Variants in NFIC observed in about 807,000 individuals in gnomAD.
NFIC encodes nuclear factor I C.
In NFIC, 12 loss-of-function variants were observed where a neutral mutation model predicts 54.4. That is an observed-to-expected ratio of 0.22 (90% confidence interval 0.14 to 0.36). The LOEUF is 0.36. Ranked by LOEUF, NFIC falls within the 10% of genes least tolerant of loss-of-function variation. The pLI, the probability that NFIC is intolerant of heterozygous loss-of-function variation, is 1.00. For synonymous variants in NFIC, 322 were observed against 319.2 expected (o/e 1.01, Z -0.09); for missense variants, 575 against 718.2 (o/e 0.80, Z 2.28).
intron 2 of NFIC, among the ~76,000 whole-genome samples, chr19:3,407,404 C>T (rs1355509131): frequency 6.6e-6 from 1 of 150,600 alleles, no homozygotes; most frequent in Non-Finnish European, 1.5e-5. Context: ...TGAGCCACCG[C>T]GCCCGGCCCA....
intron 7 of NFIC, among the ~76,000 whole-genome samples, chr19:3,450,481 T>C (rs749160253): frequency 1.1e-4 from 16 of 151,690 alleles, no homozygotes; most frequent in Non-Finnish European, 1.8e-4. Flanking sequence ...CATGGTGAAA[T>C]CTCGTTTCTA....
At chr19:3,376,917 A>T (rs2145455921) in intron 1 of NFIC, among the ~76,000 whole-genome samples, 1 of 151,694 alleles carries the variant, frequency 6.6e-6, no homozygotes, top group Non-Finnish European at 1.5e-5. Context: ...TTTAGTAGAG[A>T]TGGGGTTTCG....
At chr19:3,359,782 C>T in intron 1 of NFIC, 5 of 1,224,760 alleles carry the variant, frequency 4.1e-6, no homozygotes, top group Admixed American at 3.7e-5. Context: ...GGACAGGGGG[C>T]GGGGGCCGCC....
intron 9 of NFIC, 91 bp from the exon 10 acceptor site, chr19:3,456,459 G>C: frequency 1.6e-6 from 2 of 1,262,296 alleles, no homozygotes; most frequent in South Asian, 1.3e-5. Context: ...GCTGTGTGAC[G>C]CCTGGCGGTG....
At chr19:3,363,365 G>A (rs1050625807), upstream of NFIC, among the ~76,000 whole-genome samples, 19 of 145,950 alleles carry the variant, frequency 1.3e-4, no homozygotes, top group Middle Eastern at 3.9e-3. Flanking sequence ...TCCACCTCCC[G>A]AGTTCAAGCG....
At chr19:3,362,140 C>T (rs538882632), upstream of NFIC, among the ~76,000 whole-genome samples, 125 of 152,284 alleles carry the variant, frequency 8.2e-4, 2 homozygotes, top group African/African-American at 2.9e-3. Context: ...AGGGAGGTGG[C>T]GTGCTGTGTG....
chr19:3,435,889 C>T (rs986960656), intron 6 of NFIC, among the ~76,000 whole-genome samples: 2 of 151,924 alleles, frequency 1.3e-5, no homozygotes, highest in South Asian at 2.1e-4. Flanking sequence ...TGCAATGGCG[C>T]GATCTCCGCT....
chr19:3,412,540 A>G (rs148212269), intron 2 of NFIC, among the ~76,000 whole-genome samples: 1 of 152,238 alleles, frequency 6.6e-6, no homozygotes, highest in African/African-American at 2.4e-5. Context: ...TACAGGTGTG[A>G]GCCACTGTGC....
In NFIC at chr19:3,463,986, C is replaced by A. The variant is rs1403957847; in HGVS notation, c.*1217C>A. On this transcript the variant is annotated 3_prime_UTR_variant, in exon 11 of 11. Coordinates refer to ENST00000443272, the MANE Select transcript of NFIC (RefSeq NM_001245002.2). ...CCCCAGAGCTAGAGAGATGGGGCCC[C>A]TGCGTGGCCCGAGGGGCAGAGCTGG... 3.0e-6 allele frequency: 3 copies of A among 985,228 alleles called. No homozygotes were observed. The highest frequency in any genetic ancestry group is 3.6e-6 in the Non-Finnish European group (3 of 829,956). The allele number at this position is 985,228 out of a possible 1,614,324, so 61.0% of individuals were successfully genotyped here.
intron 2 of NFIC, among the ~76,000 whole-genome samples, chr19:3,386,383 C>T (rs1261562340): frequency 7.4e-6 from 1 of 134,372 alleles, no homozygotes; most frequent in Non-Finnish European, 1.5e-5. Flanking sequence ...AGTGCAGTGG[C>T]GCGATCTTGG....
intron 10 of NFIC, among the ~76,000 whole-genome samples, chr19:3,457,406 G>A (rs7256422): frequency 0.11 from 16,968 of 152,172 alleles, 2,988 homozygotes; most frequent in African/African-American, 0.37. Context: ...GTGGGGGCGT[G>A]GGAGGGCAGC....
At chr19:3,390,676 A>T (rs1033729868) in intron 2 of NFIC, among the ~76,000 whole-genome samples, 2 of 152,162 alleles carry the variant, frequency 1.3e-5, no homozygotes, top group African/African-American at 2.4e-5. Flanking sequence ...CTCAAAAGTG[A>T]TTTGTTGCCT....
intron 2 of NFIC, among the ~76,000 whole-genome samples, chr19:3,392,961 G>A (rs1330203189): frequency 6.6e-6 from 1 of 152,146 alleles, no homozygotes; most frequent in African/African-American, 2.4e-5. Context: ...ATTTTTTGGA[G>A]ACGGAGTTTT....
Position 3,381,894 on chromosome 19 carries a change from G to A in NFIC, c.213G>A (p.Lys71=), listed in dbSNP as rs765226699. Residue 71 remains lysine, a synonymous_variant, in exon 2 of 11, where the codon AAG becomes AAA. Coordinates refer to ENST00000443272, the MANE Select transcript of NFIC (RefSeq NM_001245002.2). ...LLGEKPEVKQ[K]WASRLLAKLR... Reference sequence around the variant, plus strand: ...GCGAGAAGCCCGAGGTCAAGCAGAAGTGGGCGTCGCGGCTGCTGGCCAAGC... The same window carrying A: ...GCGAGAAGCCCGAGGTCAAGCAGAAATGGGCGTCGCGGCTGCTGGCCAAGC... 1 of 1,613,942 alleles carries A rather than the reference G, an allele frequency of 6.2e-7. No individual in the cohort carries two copies. The highest frequency in any genetic ancestry group is 1.7e-5 in the Admixed American group (1 of 60,030).
In NFIC at chr19:3,452,580, C is replaced by T. The variant is rs548567332; in HGVS notation, c.1183C>T (p.Arg395Cys). Residue 395 changes from arginine to cysteine, a missense_variant, in exon 8 of 11, where the codon CGC becomes TGC. Arg to Cys is a radical substitution (Grantham distance 180). Transcript: ENST00000443272. The surrounding 1 kb of genome is among the most constrained non-coding windows in gnomAD (Gnocchi z 5.3). ...ASTYFPHTAI[R>C]YPPHLNPQDP... is the part of the protein sequence containing the mutation. ...CACCTACTTCCCCCACACGGCCATC[C>T]GCTACCCACCTCATCTCAACCCCCA... is the stretch of plus-strand genomic sequence containing the variant. 12 of 1,613,786 alleles carry T rather than the reference C, an allele frequency of 7.4e-6. No homozygotes were observed. Among genetic ancestry groups the T allele is most frequent in the East Asian group, 2.2e-5 (1 of 44,890 alleles).
At chr19:3,366,707 C>T (rs759279055) in intron 1 of NFIC, 41 bp downstream of exon 1, 148 of 1,320,774 alleles carry the variant, frequency 1.1e-4, no homozygotes, top group Non-Finnish European at 1.4e-4. Context: ...CCCCCGCGCC[C>T]CCCGCATCCC....
chr19:3,452,711 G>A lies in NFIC; in HGVS notation c.1269+45G>A. 1 of 1,543,790 alleles carries A rather than the reference G, an allele frequency of 6.5e-7. No individual in the cohort carries two copies. Among genetic ancestry groups the A allele is most frequent in the South Asian group, 1.2e-5 (1 of 81,508 alleles). On this transcript the variant is annotated intron_variant, in intron 8 of 10. Transcript: ENST00000443272. This position sits in a 1 kb window ranked among gnomAD's most constrained non-coding sequence, Gnocchi z 5.3. Reference sequence around the variant, plus strand: ...TTCGGGCCTCTCCTGGCGGCTCCAGGTGACCTCCCGGGGGCCACGTGCTCA... The same window carrying A: ...TTCGGGCCTCTCCTGGCGGCTCCAGATGACCTCCCGGGGGCCACGTGCTCA...
In NFIC at chr19:3,400,408, C is replaced by T. The variant is rs555981317; in HGVS notation, c.562+18165C>T. Among the ~76,000 whole-genome samples the T allele has an allele frequency of 1.2e-3, 185 of 151,906 alleles. 1 individual carries two copies. Among genetic ancestry groups the T allele is most frequent in the Non-Finnish European group, 2.3e-3 (153 of 67,968 alleles). ...AGGAGAATGGTGTGAACCTGGGAGG[C>T]GGAGCTTGCAGTGAGCCGAGATCAC... On this transcript the variant is annotated intron_variant, in intron 2 of 10. Transcript: ENST00000443272.
intron 3 of NFIC, among the ~76,000 whole-genome samples, chr19:3,429,598 G>A (rs1391862851): frequency 6.6e-6 from 1 of 152,074 alleles, no homozygotes; most frequent in Non-Finnish European, 1.5e-5. Context: ...CTCTAAAAAA[G>A]AAAGATTGTA....
Sources: gnomAD v4.1 joint callset for allele counts (sites outside exome capture counted in the v4.1 genomes callset) on GRCh38, gnomAD v4.1.1 for gene constraint, Gnocchi (gnomAD v3.1) non-coding constraint, MANE v1.5 for transcripts, NCBI Gene and HGNC (gene_info 2026-07-23, HGNC 2026-07-21) for gene names.